Variants in ENTREP2 observed in about 807,000 individuals in gnomAD.
The protein encoded by ENTREP2 is protein ENTREP2.
the ENTREP2 span, among the ~76,000 whole-genome samples, chr15:29,190,509 C>A: frequency 6.6e-6 from 1 of 152,128 alleles, no homozygotes; most frequent in African/African-American, 2.4e-5. Context: ...CAAATTTATT[C>A]CTCCTCGGCC....
At chr15:29,434,516 G>A in the ENTREP2 span, among the ~76,000 whole-genome samples, 1 of 152,078 alleles carries the variant, frequency 6.6e-6, no homozygotes, top group Non-Finnish European at 1.5e-5. Context: ...CAGACTCAGA[G>A]TCTCTGGAAG....
At chr15:29,586,474 T>G in the ENTREP2 span, among the ~76,000 whole-genome samples, 1 of 152,172 alleles carries the variant, frequency 6.6e-6, no homozygotes, top group Non-Finnish European at 1.5e-5. Context: ...TGAATTATAT[T>G]TCGTAAAGGT....
the ENTREP2 span, among the ~76,000 whole-genome samples, chr15:29,199,948 A>G: frequency 2.3e-4 from 35 of 152,308 alleles, no homozygotes; most frequent in African/African-American, 8.4e-4. Flanking sequence ...TAGATGTCCA[A>G]TTGTTCCAAC....
chr15:29,472,624 C>T, the ENTREP2 span, among the ~76,000 whole-genome samples: 1 of 152,062 alleles, frequency 6.6e-6, no homozygotes, highest in Non-Finnish European at 1.5e-5. Context: ...CCCACCACGC[C>T]CAGCTAATTT....
the ENTREP2 span, among the ~76,000 whole-genome samples, chr15:29,201,622 C>T: frequency 6.6e-6 from 1 of 151,998 alleles, no homozygotes; most frequent in Admixed American, 6.5e-5. Flanking sequence ...TGGAATAATC[C>T]CTCTTGGCAA....
the ENTREP2 span, among the ~76,000 whole-genome samples, chr15:29,590,683 CAAAAAAAAAAAA>C: frequency 6.6e-5 from 5 of 75,334 alleles, no homozygotes; most frequent in Admixed American, 3.8e-4. Context: ...GACTCCGTCT[CAAAAAAAAAAAA>C]AAAAAAAAAG....
the ENTREP2 span, chr15:29,266,521 G>A: frequency 6.6e-6 from 1 of 152,184 alleles, no homozygotes; most frequent in South Asian, 2.1e-4. Flanking sequence ...AGACATTAAG[G>A]AATGGATAGT....
chr15:29,270,001 A>G, the ENTREP2 span, among the ~76,000 whole-genome samples: 1 of 152,152 alleles, frequency 6.6e-6, no homozygotes, highest in Non-Finnish European at 1.5e-5. Context: ...GAGAACCGAA[A>G]CTCCTAAACA....
At chr15:29,141,476 A>T in the ENTREP2 span, among the ~76,000 whole-genome samples, 9 of 152,308 alleles carry the variant, frequency 5.9e-5, no homozygotes, top group South Asian at 2.1e-4. Flanking sequence ...CAGGGCAGGC[A>T]TCAGGGGTCT....
chr15:29,148,961 C>T, the ENTREP2 span, among the ~76,000 whole-genome samples: 1 of 152,054 alleles, frequency 6.6e-6, no homozygotes, highest in Admixed American at 6.5e-5. Context: ...ACTGCAACCT[C>T]CGCCTCCCAG....
At chr15:29,277,130 G>A in the ENTREP2 span, among the ~76,000 whole-genome samples, 18 of 152,210 alleles carry the variant, frequency 1.2e-4, no homozygotes, top group East Asian at 3.1e-3. Flanking sequence ...GATCACTTGA[G>A]GTCAGGAGTT....
At chr15:29,135,415 G>A in the ENTREP2 span, among the ~76,000 whole-genome samples, 2 of 151,994 alleles carry the variant, frequency 1.3e-5, no homozygotes, top group African/African-American at 2.4e-5. This position sits in a 1 kb window ranked among gnomAD's most constrained non-coding sequence, Gnocchi z 7.4. Flanking sequence ...CATGTTCCTT[G>A]GAGGGTGGGT....
the ENTREP2 span, among the ~76,000 whole-genome samples, chr15:29,649,464 T>C: frequency 2.6e-5 from 4 of 152,100 alleles, no homozygotes; most frequent in Non-Finnish European, 5.9e-5. Context: ...CTCACACCCA[T>C]AATCTCAGCA....
chr15:29,548,161 T>C, the ENTREP2 span, among the ~76,000 whole-genome samples: 1 of 152,016 alleles, frequency 6.6e-6, no homozygotes, highest in Non-Finnish European at 1.5e-5. Flanking sequence ...ACTGTACACT[T>C]ACAATGGATA....
At chr15:29,233,826 A>T in the ENTREP2 span, 1 of 1,578,794 alleles carries the variant, frequency 6.3e-7, no homozygotes, top group Admixed American at 1.7e-5. Flanking sequence ...TCTGGCGAAG[A>T]TTAAAAAGGA....
At chr15:29,306,246 A>C in the ENTREP2 span, among the ~76,000 whole-genome samples, 1 of 152,242 alleles carries the variant, frequency 6.6e-6, no homozygotes, top group Non-Finnish European at 1.5e-5. Context: ...AGGAACCTGG[A>C]GTCAGGATGA....
At chr15:29,387,196 T>A in the ENTREP2 span, among the ~76,000 whole-genome samples, 1 of 152,046 alleles carries the variant, frequency 6.6e-6, no homozygotes, top group Non-Finnish European at 1.5e-5. Flanking sequence ...TTATTGAGAG[T>A]TTTTAGCATG....
chr15:29,207,493 C>T, the ENTREP2 span, among the ~76,000 whole-genome samples: 5 of 151,516 alleles, frequency 3.3e-5, no homozygotes, highest in South Asian at 2.1e-4. Flanking sequence ...TATTTGTCCC[C>T]GCCCATGTTC....
chr15:29,302,901 G>A, the ENTREP2 span, among the ~76,000 whole-genome samples: 1 of 152,096 alleles, frequency 6.6e-6, no homozygotes, highest in Non-Finnish European at 1.5e-5. Context: ...CATCACATTT[G>A]GAATTGATTC....
Sources: gnomAD v4.1 joint callset for allele counts (sites outside exome capture counted in the v4.1 genomes callset) on GRCh38, gnomAD v4.1.1 for gene constraint, Gnocchi (gnomAD v3.1) non-coding constraint, MANE v1.5 for transcripts, NCBI Gene and HGNC (gene_info 2026-07-23, HGNC 2026-07-21) for gene names.